Variants in CNTNAP2 observed in about 807,000 individuals in gnomAD.
CNTNAP2 encodes contactin-associated protein-like 2.
Under a neutral mutation model 155.2 loss-of-function variants are expected in CNTNAP2, and 98 were observed. That is an observed-to-expected ratio of 0.63 (90% CI 0.54 to 0.75). CNTNAP2 has a LOEUF of 0.75. Ranked by LOEUF, CNTNAP2 falls within the 30% of genes least tolerant of loss-of-function variation. The pLI is 0.00. For missense variants in CNTNAP2, 1,727 were observed against 1,688.1 expected (o/e 1.02, Z -0.40); for synonymous variants, 651 against 631.2 (o/e 1.03, Z -0.47).
intron 1 of CNTNAP2, among the ~76,000 whole-genome samples, chr7:146,307,504 A>G (rs1009807644): frequency 7.9e-5 from 12 of 152,192 alleles, no homozygotes; most frequent in African/African-American, 1.7e-4. Context: ...GGAACCAAAA[A>G]AGAGTCAGCA....
intron 13 of CNTNAP2, among the ~76,000 whole-genome samples, chr7:147,763,565 G>A (rs771870944): frequency 7.9e-5 from 12 of 152,092 alleles, no homozygotes; most frequent in Non-Finnish European, 1.3e-4. Context: ...GCAAAGAGCC[G>A]TTAAAAGTTG....
intron 1 of CNTNAP2, among the ~76,000 whole-genome samples, chr7:146,499,185 A>C (rs776803748): frequency 6.6e-6 from 1 of 152,092 alleles, no homozygotes; most frequent in Non-Finnish European, 1.5e-5. Context: ...TATTTAGCTG[A>C]ATATATATAT....
At chr7:147,708,045 A>G (rs532717239) in intron 13 of CNTNAP2, among the ~76,000 whole-genome samples, 64 of 152,252 alleles carry the variant, frequency 4.2e-4, no homozygotes, top group Middle Eastern at 3.4e-3. Flanking sequence ...TGGTATGAGC[A>G]GGTGCCAGTT....
At chr7:146,492,116 C>T (rs1797149357) in intron 1 of CNTNAP2, among the ~76,000 whole-genome samples, 1 of 151,876 alleles carries the variant, frequency 6.6e-6, no homozygotes, top group South Asian at 2.1e-4. Flanking sequence ...AACAAACAAA[C>T]AAAACTTATT....
intron 22 of CNTNAP2, among the ~76,000 whole-genome samples, chr7:148,386,131 A>G (rs1216794106): frequency 6.6e-6 from 1 of 152,220 alleles, no homozygotes; most frequent in South Asian, 2.1e-4. Flanking sequence ...GCTATGTAAC[A>G]TGAGATCCAT....
chr7:147,596,850 C>T (rs1212950979), intron 12 of CNTNAP2, among the ~76,000 whole-genome samples: 1 of 152,148 alleles, frequency 6.6e-6, no homozygotes, highest in Non-Finnish European at 1.5e-5. Flanking sequence ...AGAAGCTGGC[C>T]AAGACCCACC....
At chr7:146,377,805 AT>A (rs556425957) in intron 1 of CNTNAP2, among the ~76,000 whole-genome samples, 1 of 152,236 alleles carries the variant, frequency 6.6e-6, no homozygotes. Flanking sequence ...GGCAGGGGCT[AT>A]AAAAGAAACA....
chr7:147,146,840 G>T (rs985045258), intron 8 of CNTNAP2: 3 of 152,132 alleles, frequency 2.0e-5, no homozygotes, highest in Non-Finnish European at 4.4e-5. Flanking sequence ...AAGTGCTTTA[G>T]TGTTTTGCAA....
rs1798381539 is a variant in CNTNAP2, at chr7:148,349,405, CTCTTTT to C, written c.3476-34242_3476-34237del. On this transcript the variant is annotated intron_variant, in intron 21 of 23. Coordinates refer to ENST00000361727, the MANE Select transcript of CNTNAP2 (RefSeq NM_014141.6). Reference sequence around the variant, plus strand: ...GCTTTAAAAATTGCAAAAAAAATCTCTCTTTTTTTTTTTTGAGACAGAGTCTCACTC... The same window carrying C: ...GCTTTAAAAATTGCAAAAAAAATCTCTTTTTTTTGAGACAGAGTCTCACTC... 7.4e-5 allele frequency among the ~76,000 whole-genome samples: 10 copies of C among 135,634 alleles called. No homozygotes were observed. The South Asian group carries it at 2.1e-3, about 28-fold the overall frequency. 89.0% of individuals were successfully genotyped at this position (135,634 alleles called of 152,430 possible). A position where few individuals can be genotyped will look rare whatever the true frequency, so the allele number is the denominator to read the frequency against.
intron 3 of CNTNAP2, among the ~76,000 whole-genome samples, chr7:146,918,964 G>C (rs1487581861): frequency 6.6e-6 from 1 of 152,118 alleles, no homozygotes; most frequent in African/African-American, 2.4e-5. Context: ...CTACTTGTTT[G>C]ATTCCATTGC....
intron 13 of CNTNAP2, among the ~76,000 whole-genome samples, chr7:147,690,446 CGACCAAT>C (rs1287716443): frequency 1.3e-5 from 2 of 152,050 alleles, no homozygotes; most frequent in Non-Finnish European, 2.9e-5. Context: ...ACATCATTAC[CGACCAAT>C]GACTATATCT....
chr7:147,362,704 T>C (rs1372518645), intron 9 of CNTNAP2, among the ~76,000 whole-genome samples: 1 of 151,980 alleles, frequency 6.6e-6, no homozygotes, highest in Non-Finnish European at 1.5e-5. Context: ...CTGTGTCCCT[T>C]CAAAAACGTC....
chr7:147,810,568 T>G (rs901165501), intron 13 of CNTNAP2, among the ~76,000 whole-genome samples: 1 of 152,308 alleles, frequency 6.6e-6, no homozygotes. Context: ...TGTTCCAGAA[T>G]TTAATGCATA....
intron 13 of CNTNAP2, among the ~76,000 whole-genome samples, chr7:147,734,605 T>G (rs1301443722): frequency 1.3e-5 from 2 of 152,234 alleles, no homozygotes; most frequent in Non-Finnish European, 2.9e-5. Context: ...CAACTCCTCC[T>G]TGTACCTCTG....
intron 8 of CNTNAP2, among the ~76,000 whole-genome samples, chr7:147,173,204 T>C (rs1339259940): frequency 6.6e-6 from 1 of 152,152 alleles, no homozygotes; most frequent in African/African-American, 2.4e-5. Flanking sequence ...TCCCAACAAC[T>C]ATAATAACAT....
In CNTNAP2 at chr7:148,095,006, A is replaced by G. The variant is rs57313243; in HGVS notation, c.2384-23112A>G. On this transcript the variant is annotated intron_variant, in intron 15 of 23. Transcript: ENST00000361727. Reference sequence around the variant, plus strand: ...AAGAGGCAGTGGAACCAATGAAATGATGAACCGAGAGTAAAGTAGAAAGAT... The same window carrying G: ...AAGAGGCAGTGGAACCAATGAAATGGTGAACCGAGAGTAAAGTAGAAAGAT... Among the ~76,000 whole-genome samples, 1,040 of 152,368 alleles carry G rather than the reference A, an allele frequency of 6.8e-3. 14 individuals carry two copies. Among genetic ancestry groups the G allele is most frequent in the African/African-American group, 0.024 (1,011 of 41,592 alleles).
At chr7:147,260,430 T>A (rs1303896558) in intron 8 of CNTNAP2, among the ~76,000 whole-genome samples, 1 of 152,066 alleles carries the variant, frequency 6.6e-6, no homozygotes, top group Non-Finnish European at 1.5e-5. Flanking sequence ...TGGGGAAAAA[T>A]TTTTTTAAAA....
chr7:147,284,838 G>A (rs1381124712), intron 8 of CNTNAP2, among the ~76,000 whole-genome samples: 5 of 151,844 alleles, frequency 3.3e-5, no homozygotes, highest in Non-Finnish European at 4.4e-5. Flanking sequence ...ACCTTGAGAG[G>A]TACCTTTCAA....
chr7:148,082,172 T>C (rs1336345808), intron 15 of CNTNAP2, among the ~76,000 whole-genome samples: 2 of 152,088 alleles, frequency 1.3e-5, no homozygotes, highest in African/African-American at 4.8e-5. Context: ...ATGGAAGAGA[T>C]ATATGAGCCA....
Sources: gnomAD v4.1 joint callset for allele counts (sites outside exome capture counted in the v4.1 genomes callset) on GRCh38, gnomAD v4.1.1 for gene constraint, MANE v1.5 for transcripts, NCBI Gene and HGNC (gene_info 2026-07-23, HGNC 2026-07-21) for gene names.